Variants in GIGYF2 observed in about 807,000 individuals in gnomAD.
The protein encoded by GIGYF2 is GRB10-interacting GYF protein 2.
A neutral mutation model predicts 208.1 loss-of-function variants in GIGYF2; 25 were observed. That is an observed-to-expected ratio of 0.12 (90% CI 0.09 to 0.17). The LOEUF is 0.17. Among genes scored for constraint, GIGYF2 ranks in the 10% least tolerant of loss-of-function variants. The pLI, the probability that GIGYF2 is intolerant of heterozygous loss-of-function variation, is 1.00. For missense variants in GIGYF2, 1,302 were observed against 1,579.4 expected, an observed-to-expected ratio of 0.82 and a Z score of 2.98; for synonymous variants, 534 against 543.8, an observed-to-expected ratio of 0.98 and a Z score of 0.25.
intron 8 of GIGYF2, among the ~76,000 whole-genome samples, chr2:232,775,481 T>C (rs1034233974): frequency 2.0e-5 from 3 of 152,200 alleles, no homozygotes; most frequent in Non-Finnish European, 2.9e-5. Context: ...TGTCTGCTCG[T>C]ATGGTTTAAA....
intron 21 of GIGYF2, among the ~76,000 whole-genome samples, chr2:232,820,230 G>A (rs1301481641): frequency 6.6e-6 from 1 of 151,600 alleles, no homozygotes; most frequent in African/African-American, 2.4e-5. Context: ...TGGAAATGTT[G>A]TAAAATACAT....
chr2:232,801,095 T>C (rs1200775187), intron 14 of GIGYF2, among the ~76,000 whole-genome samples: 1 of 152,232 alleles, frequency 6.6e-6, no homozygotes, highest in Non-Finnish European at 1.5e-5. Context: ...ATTCTTGCTA[T>C]GTTGACCAGG....
At chr2:232,845,964 G>A in intron 26 of GIGYF2, 78 bp downstream of exon 26, 1 of 936,110 alleles carries the variant, frequency 1.1e-6, no homozygotes, top group Non-Finnish European at 1.7e-6. Context: ...TTTGAACAGT[G>A]GGCCAAAAGT....
chr2:232,797,449 T>A (rs1574896387), intron 14 of GIGYF2, among the ~76,000 whole-genome samples: 1 of 151,912 alleles, frequency 6.6e-6, no homozygotes, highest in East Asian at 1.9e-4. Flanking sequence ...TACATGTTTG[T>A]TCATTGTTTA....
At chr2:232,811,801 C>T (rs927177506) in intron 17 of GIGYF2, among the ~76,000 whole-genome samples, 1 of 152,196 alleles carries the variant, frequency 6.6e-6, no homozygotes, top group Non-Finnish European at 1.5e-5. Context: ...TTCAGATTAT[C>T]GTTCAGAGTA....
At chr2:232,813,908 G>A (rs149888499) in intron 18 of GIGYF2, among the ~76,000 whole-genome samples, 1,246 of 102,656 alleles carry the variant, frequency 0.012, 20 homozygotes, top group African/African-American at 0.043. Context: ...TTTTTTTTGA[G>A]ACAGAGTCTT....
rs1337919690 is a variant in GIGYF2 at position 232,803,878 on chromosome 2, G to A, written c.1640-2613G>A. 2.6e-5 allele frequency among the ~76,000 whole-genome samples: 2 copies of A among 76,960 alleles called. 1 individual carries two copies. The highest frequency in any genetic ancestry group is 4.9e-5 in the Non-Finnish European group (2 of 41,108). The allele number at this position is 76,960 out of a possible 152,430, so 50.5% of individuals were successfully genotyped here. A position where few individuals can be genotyped will look rare whatever the true frequency, so the allele number is the denominator to read the frequency against. On this transcript the variant is annotated intron_variant, in intron 14 of 28. Transcript: ENST00000373563. ...AATTTTTTGTATTTTTAGTAGAGAC[G>A]GGGTTTCACCTTGTTAGCCAGGATG...
intron 2 of GIGYF2, chr2:232,730,204 C>G: frequency 7.6e-7 from 1 of 1,313,400 alleles, no homozygotes; most frequent in Non-Finnish European, 1.1e-6. Flanking sequence ...TCCATGGCAT[C>G]AGCTGTACCT....
chr2:232,711,728 G>T (rs1192513130), intron 2 of GIGYF2, among the ~76,000 whole-genome samples: 244 of 70,510 alleles, frequency 3.5e-3, no homozygotes, highest in South Asian at 0.013. Context: ...TATATATATA[G>T]TTGTAATAGA....
intron 2 of GIGYF2, among the ~76,000 whole-genome samples, chr2:232,713,376 C>A (rs35620421): frequency 0.012 from 1,794 of 152,240 alleles, 31 homozygotes; most frequent in Non-Finnish European, 0.019. Context: ...CTGGGCCCAG[C>A]CTTAACTTCT....
At chr2:232,843,482 G>A (rs1701890979) in intron 23 of GIGYF2, among the ~76,000 whole-genome samples, 1 of 150,340 alleles carries the variant, frequency 6.7e-6, no homozygotes, top group South Asian at 2.1e-4. Flanking sequence ...AGAATTACTT[G>A]AACCCGGGAG....
At chr2:232,773,911 A>T (rs79425337) in intron 8 of GIGYF2, among the ~76,000 whole-genome samples, 1,698 of 66,194 alleles carry the variant, frequency 0.026, 39 homozygotes, top group African/African-American at 0.089. Flanking sequence ...GTCTCTATTT[A>T]AAAAAAAAAA....
intron 22 of GIGYF2, among the ~76,000 whole-genome samples, chr2:232,836,315 T>A (rs369235507): frequency 0.069 from 1,352 of 19,674 alleles, 132 homozygotes; most frequent in East Asian, 0.2. Flanking sequence ...TATATATATA[T>A]ATATATATAT....
chr2:232,746,789 A>G (rs1698166661), intron 3 of GIGYF2, among the ~76,000 whole-genome samples: 1 of 152,130 alleles, frequency 6.6e-6, no homozygotes, highest in South Asian at 2.1e-4. Context: ...TTTATTAAAA[A>G]CGTTGTGAAA....
At chr2:232,750,885 A>G (rs756327925) in intron 5 of GIGYF2, among the ~76,000 whole-genome samples, 10 of 152,306 alleles carry the variant, frequency 6.6e-5, no homozygotes, top group Non-Finnish European at 8.8e-5. Flanking sequence ...GCTGTAGTAC[A>G]GCGGCATGAT....
intron 9 of GIGYF2, among the ~76,000 whole-genome samples, chr2:232,789,091 A>G (rs1443012053): frequency 6.6e-6 from 1 of 152,198 alleles, no homozygotes; most frequent in Admixed American, 6.5e-5. Flanking sequence ...GATTTTATGA[A>G]AATAGTATCC....
chr2:232,761,996 A>T (rs1241545045), intron 8 of GIGYF2, among the ~76,000 whole-genome samples: 1 of 151,570 alleles, frequency 6.6e-6, no homozygotes, highest in Non-Finnish European at 1.5e-5. Context: ...TTAAATTTGT[A>T]TTTAAATACA....
intron 21 of GIGYF2, among the ~76,000 whole-genome samples, chr2:232,832,281 C>A (rs1022631765): frequency 6.6e-6 from 1 of 152,034 alleles, no homozygotes; most frequent in Non-Finnish European, 1.5e-5. Flanking sequence ...CCGCAGGGCA[C>A]AATGGAATGG....
At chr2:232,774,461 T>A (rs911195495) in intron 8 of GIGYF2, among the ~76,000 whole-genome samples, 1 of 152,144 alleles carries the variant, frequency 6.6e-6, no homozygotes, top group Non-Finnish European at 1.5e-5. Flanking sequence ...ATTAAAGCAA[T>A]GTAGAGAGGA....
Sources: gnomAD v4.1 joint callset for allele counts (sites outside exome capture counted in the v4.1 genomes callset) on GRCh38, gnomAD v4.1.1 for gene constraint, MANE v1.5 for transcripts, NCBI Gene and HGNC (gene_info 2026-07-23, HGNC 2026-07-21) for gene names.